The following ANKS1B variants were observed in gnomAD, a reference collection of about 807,000 sequenced individuals.
ANKS1B encodes ankyrin repeat and sterile alpha motif domain-containing protein 1B.
ANKS1B carries 36 observed loss-of-function variants against 148.3 expected under a neutral mutation model. The ratio of observed to expected loss-of-function variants is 0.24; its 90% CI spans 0.19 to 0.32. The LOEUF is 0.32. ANKS1B is among the 10% of genes least tolerant of loss of function. The pLI, the probability that ANKS1B is intolerant of heterozygous loss-of-function variation, is 1.00. For missense variants in ANKS1B, 1,157 were observed against 1,542.6 expected (o/e 0.75, Z 4.19); for synonymous variants, 542 against 560.8 (o/e 0.97, Z 0.47).
At chr12:99,267,926 A>G (rs1034458758) in intron 12 of ANKS1B, among the ~76,000 whole-genome samples, 1 of 152,194 alleles carries the variant, frequency 6.6e-6, no homozygotes, top group African/African-American at 2.4e-5. Flanking sequence ...TGCTGAAAGA[A>G]GACATGAAGG....
chr12:98,894,999 CG>C (rs1567642202), intron 17 of ANKS1B: 1 of 809,056 alleles, frequency 1.2e-6, no homozygotes, highest in African/African-American at 1.9e-5. Flanking sequence ...GCAGCGGCGG[CG>C]GCGGCGGCGC....
Position 99,746,807 on chromosome 12 carries a change from T to C in ANKS1B, c.1128+26115A>G, listed in dbSNP as rs560940687. On this transcript the variant is annotated intron_variant, in intron 8 of 26. Coordinates refer to ENST00000683438, the MANE Select transcript of ANKS1B (RefSeq NM_001352186.2). ...CCAGCCTGCATCTGAGACAGGTGTA[T>C]TTTTTTCTAACTTCAAGTTGTATAA... is the stretch of plus-strand genomic sequence containing the variant. Among the ~76,000 whole-genome samples the C allele has an allele frequency of 1.1e-4, 17 of 152,222 alleles. 1 individual carries two copies. The highest frequency in any genetic ancestry group is 4.1e-4 in the African/African-American group (17 of 41,568).
intron 17 of ANKS1B, among the ~76,000 whole-genome samples, chr12:98,962,052 A>T (rs1470525013): frequency 1.3e-5 from 2 of 152,046 alleles, no homozygotes; most frequent in Non-Finnish European, 2.9e-5. Context: ...CAAATATCAA[A>T]ATGGCAGGAG....
chr12:98,984,258 T>C (rs1488718589), intron 17 of ANKS1B, among the ~76,000 whole-genome samples: 3 of 152,254 alleles, frequency 2.0e-5, no homozygotes, highest in Non-Finnish European at 4.4e-5. Context: ...TAAAATACTC[T>C]GGCCTTTTGA....
chr12:99,516,409 A>G (rs2096821625), intron 9 of ANKS1B, among the ~76,000 whole-genome samples: 1 of 152,170 alleles, frequency 6.6e-6, no homozygotes, highest in African/African-American at 2.4e-5. Flanking sequence ...CTATGCACCC[A>G]TAAAAAGGAA....
chr12:99,700,839 T>C (rs934478364), intron 8 of ANKS1B, among the ~76,000 whole-genome samples: 3 of 152,148 alleles, frequency 2.0e-5, no homozygotes, highest in African/African-American at 7.2e-5. Context: ...CAATAAAACA[T>C]GTGATTGCCC....
chr12:99,612,937 G>C (rs927122627), intron 9 of ANKS1B, among the ~76,000 whole-genome samples: 4 of 152,096 alleles, frequency 2.6e-5, no homozygotes, highest in African/African-American at 9.7e-5. Flanking sequence ...AGCAAGGAAG[G>C]CCTTCAAGTA....
chr12:98,966,905 G>T (rs2099878492), intron 17 of ANKS1B, among the ~76,000 whole-genome samples: 1 of 127,998 alleles, frequency 7.8e-6, no homozygotes, highest in Non-Finnish European at 1.6e-5. Context: ...GGGGGGAGGG[G>T]GGAGGGATAA....
At chr12:98,859,036 AT>A (rs1233593046) in intron 17 of ANKS1B, among the ~76,000 whole-genome samples, 2 of 152,164 alleles carry the variant, frequency 1.3e-5, no homozygotes, top group Non-Finnish European at 2.9e-5. Flanking sequence ...TGGATTTTCT[AT>A]TGGCTAAAGG....
intron 1 of ANKS1B, among the ~76,000 whole-genome samples, chr12:99,899,624 A>T (rs11610063): frequency 5.3e-5 from 8 of 151,990 alleles, no homozygotes; most frequent in Admixed American, 3.3e-4. Context: ...TTATTTCAAG[A>T]GGAAAAAAAG....
chr12:99,115,951 A>G (rs1412603460), intron 15 of ANKS1B, among the ~76,000 whole-genome samples: 2 of 150,720 alleles, frequency 1.3e-5, no homozygotes, highest in Admixed American at 1.3e-4. Context: ...AAAAAAAAAA[A>G]AAAGATGCTC....
intron 1 of ANKS1B, among the ~76,000 whole-genome samples, chr12:99,905,629 A>G (rs1450964701): frequency 6.6e-6 from 1 of 152,214 alleles, no homozygotes; most frequent in Admixed American, 6.5e-5. Flanking sequence ...ACAATTCTAA[A>G]GGCCAGAAGT....
chr12:99,079,673 T>C (rs2048983415), intron 16 of ANKS1B: 1 of 152,216 alleles, frequency 6.6e-6, no homozygotes, highest in African/African-American at 2.4e-5. Flanking sequence ...CTACGTATTG[T>C]GGAAGCCGAA....
At chr12:99,825,682 G>A (rs570943884) in intron 1 of ANKS1B, among the ~76,000 whole-genome samples, 3 of 152,220 alleles carry the variant, frequency 2.0e-5, no homozygotes, top group African/African-American at 4.8e-5. Flanking sequence ...ACTTTCTATC[G>A]TTACTTAAAT....
At chr12:99,080,758 T>G (rs7137868) in intron 16 of ANKS1B, among the ~76,000 whole-genome samples, 100,067 of 152,090 alleles carry the variant, frequency 0.66, 33,189 homozygotes, top group East Asian at 0.89. Flanking sequence ...AAACTAAGTT[T>G]TATGTTGAAA....
intron 12 of ANKS1B, among the ~76,000 whole-genome samples, chr12:99,369,780 AGATAGATAGATG>A (rs1378155531): frequency 3.4e-5 from 5 of 145,600 alleles, no homozygotes; most frequent in African/African-American, 5.3e-5. Context: ...ATAGATAGAT[AGATAGATAGATG>A]GACGGACGGA....
chr12:99,630,946 G>A (rs77683398), intron 9 of ANKS1B, among the ~76,000 whole-genome samples: 4 of 152,094 alleles, frequency 2.6e-5, no homozygotes, highest in Non-Finnish European at 5.9e-5. Flanking sequence ...TCATGGGAGC[G>A]GGTCTTTCCC....
At chr12:99,131,286 T>G (rs563554223) in intron 15 of ANKS1B, among the ~76,000 whole-genome samples, 1 of 152,358 alleles carries the variant, frequency 6.6e-6, no homozygotes, top group South Asian at 2.1e-4. Context: ...TAGTTTTGCT[T>G]TCTTAACTTA....
intron 9 of ANKS1B, among the ~76,000 whole-genome samples, chr12:99,558,357 T>C (rs563061732): frequency 2.2e-4 from 33 of 152,128 alleles, no homozygotes; most frequent in Non-Finnish European, 3.4e-4. Context: ...GTGCTCACAC[T>C]GGCAGCAGTG....
Sources: allele counts gnomAD v4.1 joint callset (sites outside exome capture counted in the v4.1 genomes callset), GRCh38; gene constraint gnomAD v4.1.1; transcripts MANE v1.5; gene names NCBI Gene and HGNC (gene_info 2026-07-23, HGNC 2026-07-21).